Variants in GRIN2B observed in about 807,000 individuals in gnomAD.
GRIN2B encodes the protein glutamate ionotropic receptor NMDA type subunit 2B, also known as glutamate receptor ionotropic, NMDA 2B.
GRIN2B carries 5 observed loss-of-function variants against 114.5 expected under a neutral mutation model. The ratio of observed to expected loss-of-function variants is 0.04; its 90% CI spans 0.02 to 0.09. The LOEUF (loss-of-function observed/expected upper bound fraction) is 0.09. GRIN2B is among the 10% of genes least tolerant of loss of function. The probability of loss-of-function intolerance (pLI) is 1.00; values close to 1 mark genes in which losing one functional copy is unlikely to be tolerated. For missense variants in GRIN2B, 1,108 were observed against 1,943.5 expected, an observed-to-expected ratio of 0.57 and a Z score of 8.08; for synonymous variants, 787 against 745.1, an observed-to-expected ratio of 1.06 and a Z score of -0.92.
intron 2 of GRIN2B, among the ~76,000 whole-genome samples, chr12:13,976,024 A>G (rs1285489134): frequency 6.6e-6 from 1 of 152,256 alleles, no homozygotes; most frequent in Non-Finnish European, 1.5e-5. Context: ...TGCTGGGTTC[A>G]CAATCCCCCA....
At chr12:13,810,953 ACT>A (rs1265495381) in intron 3 of GRIN2B, among the ~76,000 whole-genome samples, 2 of 152,126 alleles carry the variant, frequency 1.3e-5, no homozygotes, top group African/African-American at 4.8e-5. Context: ...TGAAAGTCTC[ACT>A]CTCTGAATTG....
chr12:13,671,085 G>A (rs1025254194), intron 5 of GRIN2B, among the ~76,000 whole-genome samples: 4 of 152,284 alleles, frequency 2.6e-5, no homozygotes, highest in Non-Finnish European at 5.9e-5. Context: ...GGAGAGGGAA[G>A]CAAAGGGTCA....
intron 3 of GRIN2B, among the ~76,000 whole-genome samples, chr12:13,796,711 T>C (rs1452016302): frequency 6.6e-6 from 1 of 152,184 alleles, no homozygotes; most frequent in Non-Finnish European, 1.5e-5. Context: ...CTCTAACACT[T>C]GATCTGCCAT....
intron 3 of GRIN2B, among the ~76,000 whole-genome samples, chr12:13,796,094 A>AG (rs948854572): frequency 1.1e-4 from 17 of 151,696 alleles, no homozygotes; most frequent in African/African-American, 2.7e-4. Context: ...AAAAAAAAAA[A>AG]AAAGAAACAG....
intron 3 of GRIN2B, among the ~76,000 whole-genome samples, chr12:13,850,684 C>G (rs993499935): frequency 6.6e-6 from 1 of 152,178 alleles, no homozygotes; most frequent in East Asian, 1.9e-4. Context: ...CTTTGCCAGG[C>G]TCCAGTTAGC....
chr12:13,970,686 A>AACACACACACAC (rs5796570), intron 2 of GRIN2B, among the ~76,000 whole-genome samples: 1,649 of 145,098 alleles, frequency 0.011, 46 homozygotes, highest in African/African-American at 0.039. Context: ...GCAGGCTCTA[A>AACACACACACAC]ACACACACAC....
intron 10 of GRIN2B, among the ~76,000 whole-genome samples, chr12:13,590,731 T>C (rs1404029116): frequency 1.3e-5 from 2 of 152,136 alleles, no homozygotes; most frequent in African/African-American, 4.8e-5. Flanking sequence ...GTCTTTATAG[T>C]AGAATGATTT....
chr12:13,836,866 T>G (rs1865277753), intron 3 of GRIN2B, among the ~76,000 whole-genome samples: 1 of 152,180 alleles, frequency 6.6e-6, no homozygotes, highest in Non-Finnish European at 1.5e-5. Context: ...AAGTGGTGTG[T>G]GTCATAGGTG....
At chr12:13,782,278 A>G (rs1864129748) in intron 3 of GRIN2B, among the ~76,000 whole-genome samples, 1 of 152,028 alleles carries the variant, frequency 6.6e-6, no homozygotes, top group Admixed American at 6.6e-5. Context: ...GTGGCCACTC[A>G]GAATACACAC....
chr12:13,650,293 C>T (rs1229087129), intron 5 of GRIN2B, among the ~76,000 whole-genome samples: 6 of 151,976 alleles, frequency 3.9e-5, no homozygotes, highest in Non-Finnish European at 5.9e-5. Flanking sequence ...CTCCTTCCTT[C>T]GCAGCATTAT....
At chr12:13,590,833 G>T (rs1356797084) in intron 10 of GRIN2B, among the ~76,000 whole-genome samples, 1 of 152,148 alleles carries the variant, frequency 6.6e-6, no homozygotes, top group Non-Finnish European at 1.5e-5. Context: ...ATTTCCTTGG[G>T]GTAGAGCCCA....
intron 3 of GRIN2B, among the ~76,000 whole-genome samples, chr12:13,792,534 T>C (rs531498547): frequency 2.0e-5 from 3 of 152,340 alleles, no homozygotes; most frequent in South Asian, 4.1e-4. Flanking sequence ...CTAACATAAT[T>C]GGGGATAAGA....
rs1865409547 is a variant in GRIN2B at position 13,843,037 on chromosome 12, ATTT to A, written c.411+22758_411+22760del. Among the ~76,000 whole-genome samples the A allele has an allele frequency of 9.1e-5, 8 of 87,690 alleles. No homozygotes were observed. In the South Asian group the frequency reaches 2.5e-3, roughly 28 times the overall value. The allele number at this position is 87,690 out of a possible 152,430, so 57.5% of individuals were successfully genotyped here. On this transcript the variant is annotated intron_variant, in intron 3 of 13. Transcript: ENST00000609686. The stretch of plus-strand genomic sequence containing the variant: ...TTTTAAAATTTTTTATTATTTATTT[ATTT>A]ATTTATTTATTTATATTTTATTTTA...
At chr12:13,642,059 C>T (rs750181731) in intron 5 of GRIN2B, among the ~76,000 whole-genome samples, 20 of 151,954 alleles carry the variant, frequency 1.3e-4, no homozygotes, top group Non-Finnish European at 2.2e-4. Flanking sequence ...CATGGTAGCG[C>T]ACACCTGTAA....
chr12:13,563,929 G>C lies in GRIN2B; in HGVS notation c.3309C>G (p.Asp1103Glu), dbSNP rs544484163. 1.2e-6 allele frequency: 2 copies of C among 1,614,066 alleles called. No individual in the cohort carries two copies. The highest frequency in any genetic ancestry group is 1.1e-5 in the South Asian group (1 of 91,090). Residue 1103 changes from aspartate to glutamate, a missense_variant, in exon 14 of 14, where the codon GAC becomes GAG. Physicochemically the swap from Asp to Glu is conservative, Grantham distance 45. Transcript: ENST00000609686. ...GGCGACGGTAGGCCAGCTCGATCTC[G>C]TCAAACTCCCTGCGGGACTTGGCCG... ...PASAKSRREF[D>E]EIELAYRRRP...
chr12:13,749,100 T>C (rs1026727697), intron 4 of GRIN2B, among the ~76,000 whole-genome samples: 2 of 152,242 alleles, frequency 1.3e-5, no homozygotes, highest in African/African-American at 4.8e-5. Flanking sequence ...TAACACCTGA[T>C]AAGTAATGTT....
At chr12:13,696,589 T>C (rs891170186) in intron 4 of GRIN2B, among the ~76,000 whole-genome samples, 4 of 152,182 alleles carry the variant, frequency 2.6e-5, no homozygotes, top group African/African-American at 9.7e-5. Flanking sequence ...TACTCCAATA[T>C]GTGCCAGACC....
intron 4 of GRIN2B, among the ~76,000 whole-genome samples, chr12:13,706,787 A>C (rs1950363258): frequency 1.3e-5 from 2 of 152,118 alleles, no homozygotes; most frequent in African/African-American, 4.8e-5. Context: ...AACACTCACA[A>C]AGTAAATCGG....
chr12:13,865,451 C>T (rs1865811663), intron 3 of GRIN2B, among the ~76,000 whole-genome samples: 1 of 151,790 alleles, frequency 6.6e-6, no homozygotes, highest in Non-Finnish European at 1.5e-5. Context: ...GGTCAACATG[C>T]TGAAGCCCTG....
Sources: allele counts gnomAD v4.1 joint callset (sites outside exome capture counted in the v4.1 genomes callset), GRCh38; gene constraint gnomAD v4.1.1; transcripts MANE v1.5; gene names NCBI Gene and HGNC (gene_info 2026-07-23, HGNC 2026-07-21).